CTNNAL1: variants seen among roughly 807,000 people sequenced by gnomAD.
CTNNAL1 encodes the protein catenin alpha like 1.
A neutral mutation model predicts 93.6 loss-of-function variants in CTNNAL1; 69 were observed. The observed-to-expected ratio is 0.74, with a 90% confidence interval of 0.61 to 0.90. CTNNAL1 has a LOEUF of 0.90. Ranked by LOEUF, CTNNAL1 falls within the 40% of genes least tolerant of loss-of-function variation. The pLI is 0.00. For missense variants in CTNNAL1, 836 were observed against 862.0 expected (o/e 0.97, Z 0.38); for synonymous variants, 286 against 305.4 (o/e 0.94, Z 0.66).
chr9:108,998,919 T>A, intron 2 of CTNNAL1, 148 bp downstream of exon 2: 1 of 908,534 alleles, frequency 1.1e-6, no homozygotes, highest in Non-Finnish European at 1.6e-6. Flanking sequence ...AAGTGCAGTA[T>A]TCGCGGAAGC....
intron 2 of CTNNAL1, among the ~76,000 whole-genome samples, chr9:108,993,674 G>C (rs1282549406): frequency 6.6e-6 from 1 of 152,048 alleles, no homozygotes; most frequent in Non-Finnish European, 1.5e-5. Flanking sequence ...ATAATACAAG[G>C]CTACAATATT....
rs1321226165 is a variant in CTNNAL1, at chr9:108,984,414, TTTTTC to T, written c.657_661del (p.Lys220GlyfsTer7). ...TGCCCTAGCTGCTGCCATTTTTGCCTTTTTCTTTTCATCTTTCAAATCCTAAATAT... is the reference window on the plus strand; with the variant it reads ...TGCCCTAGCTGCTGCCATTTTTGCCTTTTTCATCTTTCAAATCCTAAATAT... On this transcript the variant is annotated frameshift_variant, in exon 5 of 19. Coordinates refer to ENST00000325551, the MANE Select transcript of CTNNAL1 (RefSeq NM_003798.4). LOFTEE classifies it high-confidence loss of function. 7 of 1,605,960 alleles carry T rather than the reference TTTTTC, an allele frequency of 4.4e-6. No individual in the cohort carries two copies. The highest frequency in any genetic ancestry group is 5.1e-6 in the Non-Finnish European group (6 of 1,172,986).
intron 6 of CTNNAL1, among the ~76,000 whole-genome samples, chr9:108,982,772 T>C (rs975472029): frequency 1.3e-5 from 2 of 152,246 alleles, no homozygotes; most frequent in Non-Finnish European, 2.9e-5. Flanking sequence ...TACATAATGA[T>C]GCTCCTTTAA....
chr9:108,980,714 A>G (rs181055891), intron 6 of CTNNAL1, among the ~76,000 whole-genome samples: 98 of 152,320 alleles, frequency 6.4e-4, no homozygotes, highest in African/African-American at 2.2e-3. Flanking sequence ...AGAGAATTAA[A>G]TTTATTTTAT....
At chr9:109,009,581 C>A (rs774918243) in intron 1 of CTNNAL1, among the ~76,000 whole-genome samples, 4 of 152,082 alleles carry the variant, frequency 2.6e-5, no homozygotes, top group African/African-American at 7.2e-5. Context: ...TTCTGATACC[C>A]ACATTGTCTT....
intron 2 of CTNNAL1, among the ~76,000 whole-genome samples, chr9:108,998,388 C>CTTTTTTTTT (rs201408861): frequency 7.0e-6 from 1 of 142,660 alleles, no homozygotes. Flanking sequence ...TCTTACCTTG[C>CTTTTTTTTT]TTTTTTTTTT....
rs768581936 is a variant in CTNNAL1 at position 108,983,266 on chromosome 9, CCTT to C, written c.776_778del (p.Glu259del). On this transcript the variant is annotated inframe_deletion, in exon 6 of 19. Coordinates refer to ENST00000325551, the MANE Select transcript of CTNNAL1 (RefSeq NM_003798.4). The stretch of plus-strand genomic sequence containing the variant: ...TGCCACTTTCATACGGTCAAATACT[CCTT>C]CTTTGTTTTTATGGGCTGATTCGCA... The C allele has an allele frequency of 8.8e-6, 14 of 1,590,462 alleles. No individual in the cohort carries two copies. The highest frequency in any genetic ancestry group is 3.5e-5 in the Admixed American group (2 of 57,252).
In CTNNAL1 at chr9:109,013,342, GT is replaced by G; in HGVS notation, c.100del (p.Thr34LeufsTer38). 6.6e-7 allele frequency: 1 copy of G among 1,516,034 alleles called. No individual in the cohort carries two copies. The highest frequency in any genetic ancestry group is 8.8e-7 in the Non-Finnish European group (1 of 1,131,536). 93.9% of individuals were successfully genotyped at this position (1,516,034 alleles called of 1,614,324 possible). A position where few individuals can be genotyped will look rare whatever the true frequency, so the allele number is the denominator to read the frequency against. On this transcript the variant is annotated frameshift_variant, in exon 1 of 19. Transcript: ENST00000325551. LOFTEE classifies it high-confidence loss of function. The part of the protein sequence containing the change: ...FALDSGLEIK[T>X]RSVEQTLLPL... The stretch of plus-strand genomic sequence containing the variant: ...GAGTAGCGTCTGCTCCACCGAGCGA[GT>G]TTTGATCTCCAGTCCCGAGTCGAGG...
chr9:108,945,135 C>T (rs1246506661), intron 15 of CTNNAL1, among the ~76,000 whole-genome samples: 1 of 152,310 alleles, frequency 6.6e-6, no homozygotes, highest in Middle Eastern at 3.4e-3. Flanking sequence ...TCCCAGGTCT[C>T]TCTCTCCACT....
chr9:108,979,621 A>G (rs1294805867), intron 6 of CTNNAL1, 140 bp from the exon 7 acceptor site: 1 of 742,964 alleles, frequency 1.3e-6, no homozygotes, highest in Non-Finnish European at 2.2e-6. Flanking sequence ...GCCACCAATG[A>G]TATCTATATT....
chr9:109,011,018 G>C (rs1435490358), intron 1 of CTNNAL1, among the ~76,000 whole-genome samples: 1 of 152,152 alleles, frequency 6.6e-6, no homozygotes, highest in Non-Finnish European at 1.5e-5. Flanking sequence ...ATAAATCCTT[G>C]CTTAAAATGC....
intron 14 of CTNNAL1, among the ~76,000 whole-genome samples, chr9:108,949,836 T>A (rs1261246052): frequency 6.6e-6 from 1 of 151,248 alleles, no homozygotes; most frequent in East Asian, 1.9e-4. Context: ...AGAGCAAGAC[T>A]CCGTCTCAAA....
intron 4 of CTNNAL1, among the ~76,000 whole-genome samples, chr9:108,985,667 A>G (rs1394390352): frequency 1.3e-5 from 2 of 152,214 alleles, no homozygotes; most frequent in African/African-American, 4.8e-5. Flanking sequence ...AGTATCATCC[A>G]TCATGGGTAC....
chr9:108,979,260 G>T, intron 7 of CTNNAL1, 21 bp downstream of exon 7: 1 of 1,613,348 alleles, frequency 6.2e-7, no homozygotes, highest in Non-Finnish European at 8.5e-7. Context: ...GATTTACTTT[G>T]ATTTTAAAAA....
intron 1 of CTNNAL1, among the ~76,000 whole-genome samples, chr9:109,008,876 CTTTTTTTTTTT>C (rs1162375548): frequency 6.2e-4 from 34 of 54,872 alleles, no homozygotes; most frequent in African/African-American, 1.9e-3. Flanking sequence ...AACAGAGGTT[CTTTTTTTTTTT>C]TTTTTTTTTT....
intron 1 of CTNNAL1, among the ~76,000 whole-genome samples, chr9:109,003,289 A>G (rs997555980): frequency 1.3e-5 from 2 of 152,238 alleles, no homozygotes; most frequent in African/African-American, 4.8e-5. Context: ...GTCTAGTAGA[A>G]TGAATTCAAT....
At chr9:108,943,545 G>A (rs1327406328) in intron 17 of CTNNAL1, among the ~76,000 whole-genome samples, 158 bp downstream of exon 17, 1 of 152,132 alleles carries the variant, frequency 6.6e-6, no homozygotes, top group African/African-American at 2.4e-5. Flanking sequence ...ACTCTCTGGG[G>A]TCAGTTATGA....
At chr9:108,970,136 C>T (rs564504240) in intron 10 of CTNNAL1, among the ~76,000 whole-genome samples, 1 of 152,272 alleles carries the variant, frequency 6.6e-6, no homozygotes, top group East Asian at 1.9e-4. Context: ...CATGTTATAA[C>T]AAGTGCATTG....
At position 108,965,459 on chromosome 9, in the gene CTNNAL1, A is replaced by G; in HGVS notation, c.1510T>C (p.Phe504Leu). ...ATTTGGGATTCCCAAGCTTCACAAA[A>G]TACATCTAGGTTTTCTTTAGCAATT... The part of the protein sequence containing the change: ...SKIAKENLDV[F>L]CEAWESQISD... The change falls in exon 11 of 19, where the codon TTT becomes CTT. Residue 504 changes from phenylalanine (F) to leucine (L), a missense_variant. Coordinates refer to ENST00000325551, the MANE Select transcript of CTNNAL1 (RefSeq NM_003798.4). 6.3e-7 allele frequency: 1 copy of G among 1,597,174 alleles called. No individual in the cohort carries two copies. The highest frequency in any genetic ancestry group is 1.1e-5 in the South Asian group (1 of 87,692).
Sources: gnomAD v4.1 joint callset for allele counts (sites outside exome capture counted in the v4.1 genomes callset) on GRCh38, gnomAD v4.1.1 for gene constraint, MANE v1.5 for transcripts, NCBI Gene and HGNC (gene_info 2026-07-23, HGNC 2026-07-21) for gene names.